Variants in CD8B2 observed in about 807,000 individuals in gnomAD.
CD8B2 encodes T-cell surface glycoprotein CD8 beta-2 chain.
Under a neutral mutation model 23.7 loss-of-function variants are expected in CD8B2, and 11 were observed. The observed-to-expected ratio is 0.46, with a 90% CI of 0.29 to 0.77. CD8B2 has a LOEUF of 0.77. Among genes scored for constraint, CD8B2 ranks in the 30% least tolerant of loss-of-function variants. CD8B2 has a pLI of 0.09. For synonymous variants in CD8B2, 90 were observed against 109.3 expected, an observed-to-expected ratio of 0.82 and a Z score of 1.10; for missense variants, 197 against 270.5, an observed-to-expected ratio of 0.73 and a Z score of 1.91.
At chr2:106,494,854 A>G (rs1679267947) in intron 2 of CD8B2, among the ~76,000 whole-genome samples, 1 of 152,048 alleles carries the variant, frequency 6.6e-6, no homozygotes, top group Admixed American at 6.5e-5. Context: ...AAAGTTTGAG[A>G]CTGAACTTCC....
chr2:106,514,210 T>G (rs1679688389), downstream of CD8B2, among the ~76,000 whole-genome samples: 1 of 150,788 alleles, frequency 6.6e-6, no homozygotes, highest in Non-Finnish European at 1.5e-5. Flanking sequence ...TTTATCTGTG[T>G]AATTTCAGAG....
In CD8B2 at chr2:106,509,057, T is replaced by G. The variant is rs888035313; in HGVS notation, c.*2117T>G. ...TCATTCAGCACGAATTGGCCTTAGA[T>G]GCCCTGCCCCCAGACCCAGGTGTTT... On this transcript the variant is annotated 3_prime_UTR_variant, in exon 6 of 6. Transcript: ENST00000643224. The G allele has an allele frequency of 2.7e-5, 4 of 150,376 alleles. No individual in the cohort carries two copies. The highest frequency in any genetic ancestry group is 7.3e-5 in the African/African-American group (3 of 40,932). The allele number at this position is 150,376 out of a possible 1,614,324, so 9.3% of individuals were successfully genotyped here.
chr2:106,530,243 G>T (rs1450695502), intron 5 of CD8B2, among the ~76,000 whole-genome samples: 2 of 151,782 alleles, frequency 1.3e-5, no homozygotes, highest in African/African-American at 4.8e-5. Flanking sequence ...ACCTTGAACA[G>T]TCCCAGAAAT....
At chr2:106,517,979 G>T (rs1679761861) in intron 5 of CD8B2, among the ~76,000 whole-genome samples, 2 of 152,250 alleles carry the variant, frequency 1.3e-5, no homozygotes, top group East Asian at 1.9e-4. Context: ...CTCCCAAAGT[G>T]CTGGGATTAC....
At chr2:106,497,004 G>T (rs1184810246) in intron 3 of CD8B2, among the ~76,000 whole-genome samples, 1 of 152,236 alleles carries the variant, frequency 6.6e-6, no homozygotes, top group African/African-American at 2.4e-5. Context: ...GCCAGACGTG[G>T]TGGCTCACAC....
chr2:106,487,597 G>A (rs1679101547), intron 1 of CD8B2, 128 bp downstream of exon 1: 3 of 454,036 alleles, frequency 6.6e-6, no homozygotes, highest in Non-Finnish European at 1.1e-5. Context: ...CGGGGCGCCC[G>A]GGAGGCAGCT....
At chr2:106,513,243 A>G (rs1292806761), downstream of CD8B2, among the ~76,000 whole-genome samples, 1 of 151,780 alleles carries the variant, frequency 6.6e-6, no homozygotes, top group Admixed American at 6.6e-5. Flanking sequence ...TCAATCAGGC[A>G]TGTGTTTCAG....
chr2:106,505,482 C>G (rs1679486776), intron 5 of CD8B2, among the ~76,000 whole-genome samples: 2 of 152,136 alleles, frequency 1.3e-5, no homozygotes, highest in Non-Finnish European at 2.9e-5. Flanking sequence ...TGTGAGGGCT[C>G]ACTGGGGTAT....
chr2:106,512,566 G>A (rs1679653561), downstream of CD8B2, among the ~76,000 whole-genome samples: 1 of 152,054 alleles, frequency 6.6e-6, no homozygotes, highest in Non-Finnish European at 1.5e-5. Context: ...CCTGACTCAA[G>A]CAAGTAGCTG....
Position 106,523,406 on chromosome 2 carries a change from G to A in CD8B2, c.620+19081G>A, listed in dbSNP as rs539255758. ...GCTCTAGCAGGGGGGGTCAACTACT[G>A]TCACTTGTGTTTTGGCAGAGACTCA... On this transcript the variant is annotated intron_variant, in intron 5 of 5. Coordinates refer to the CD8B2 transcript ENST00000416057. Among the ~76,000 whole-genome samples, 29 of 152,298 alleles carry A rather than the reference G, an allele frequency of 1.9e-4. No homozygotes were observed. The South Asian group carries it at 5.0e-3, about 26-fold the overall frequency.
At chr2:106,497,617 T>C (rs1480615172) in intron 3 of CD8B2, among the ~76,000 whole-genome samples, 1 of 152,126 alleles carries the variant, frequency 6.6e-6, no homozygotes, top group Admixed American at 6.5e-5. Context: ...TTGTCTTAAA[T>C]ATTTTAAGTA....
intron 5 of CD8B2, among the ~76,000 whole-genome samples, chr2:106,530,724 A>T (rs1679980198): frequency 6.6e-6 from 1 of 152,140 alleles, no homozygotes; most frequent in African/African-American, 2.4e-5. Flanking sequence ...AAGTCACAGG[A>T]TGAGATGGGA....
In CD8B2 at chr2:106,496,153, G is replaced by A; in HGVS notation, c.404-20G>A. The A allele has an allele frequency of 1.9e-6, 3 of 1,545,214 alleles. No individual in the cohort carries two copies. The highest frequency in any genetic ancestry group is 2.4e-5 in the South Asian group (2 of 83,644). On this transcript the variant is annotated intron_variant, in intron 2 of 5. Coordinates refer to ENST00000643224, the MANE Select transcript of CD8B2 (RefSeq NM_001349727.2). ...TGGTGTTCACTTGGCTAAGATATGTGTCTTGCTTTCTTTCTGTAGTTGATT... is the reference window on the plus strand; with the variant it reads ...TGGTGTTCACTTGGCTAAGATATGTATCTTGCTTTCTTTCTGTAGTTGATT...
intron 2 of CD8B2, among the ~76,000 whole-genome samples, chr2:106,491,536 C>T (rs1230216737): frequency 1.3e-5 from 2 of 152,220 alleles, no homozygotes; most frequent in South Asian, 2.1e-4. Flanking sequence ...CATTGTGCTT[C>T]TCTTTTTTAT....
chr2:106,537,916 A>G (rs1680114366), intron 5 of CD8B2: 1 of 152,194 alleles, frequency 6.6e-6, no homozygotes, highest in Admixed American at 6.5e-5. Context: ...CTCGCTTTGG[A>G]AATTAGCAGG....
At chr2:106,525,627 C>G (rs1179194947) in intron 5 of CD8B2, among the ~76,000 whole-genome samples, 1 of 152,154 alleles carries the variant, frequency 6.6e-6, no homozygotes, top group Non-Finnish European at 1.5e-5. Flanking sequence ...AGTTTACTTT[C>G]CATCCCCTCC....
intron 5 of CD8B2, among the ~76,000 whole-genome samples, chr2:106,505,853 G>A (rs1475140030): frequency 6.6e-5 from 10 of 152,162 alleles, no homozygotes; most frequent in South Asian, 2.1e-4. Flanking sequence ...ATTCAAGGCC[G>A]GGTGCGGTGG....
At chr2:106,513,782 C>T (rs540545885), downstream of CD8B2, among the ~76,000 whole-genome samples, 3 of 152,260 alleles carry the variant, frequency 2.0e-5, no homozygotes, top group East Asian at 3.9e-4. Flanking sequence ...CAACAGTAAA[C>T]GTGATCAGCA....
At chr2:106,493,879 C>T (rs541377613) in intron 2 of CD8B2, among the ~76,000 whole-genome samples, 1 of 152,184 alleles carries the variant, frequency 6.6e-6, no homozygotes, top group Non-Finnish European at 1.5e-5. Flanking sequence ...ATGGGGACAA[C>T]AGTGCCTGCC....
Sources: gnomAD v4.1 joint callset for allele counts (sites outside exome capture counted in the v4.1 genomes callset) on GRCh38, gnomAD v4.1.1 for gene constraint, MANE v1.5 for transcripts, NCBI Gene and HGNC (gene_info 2026-07-23, HGNC 2026-07-21) for gene names.